PKD2: variants seen among roughly 807,000 people sequenced by gnomAD.
The protein encoded by PKD2 is polycystin 2, transient receptor potential cation channel.
A neutral mutation model predicts 105.9 loss-of-function variants in PKD2; 48 were observed. The observed-to-expected ratio is 0.45, with a 90% CI of 0.36 to 0.58. The LOEUF (loss-of-function observed/expected upper bound fraction) is 0.58, where lower values mean the gene tolerates loss of function less well. Among genes scored for constraint, PKD2 ranks in the 20% least tolerant of loss-of-function variants. PKD2 has a pLI of 0.00. For missense variants in PKD2, 1,078 were observed against 1,255.3 expected (o/e 0.86, Z 2.13); for synonymous variants, 464 against 481.1 (o/e 0.96, Z 0.46).
At chr4:88,046,891 A>G (rs1727795400) in intron 6 of PKD2, 21 bp downstream of exon 6, 1 of 1,336,458 alleles carries the variant, frequency 7.5e-7, no homozygotes, top group East Asian at 2.3e-5. Context: ...GAACAACACC[A>G]AATTTCCTAT....
Position 88,008,277 on chromosome 4 carries a change from G to A in PKD2, c.544G>A (p.Gly182Arg). 1.4e-6 allele frequency: 2 copies of A among 1,477,524 alleles called. No individual in the cohort carries two copies. Among genetic ancestry groups the A allele is most frequent in the East Asian group, 2.9e-5 (1 of 34,768 alleles). 91.5% of individuals were successfully genotyped at this position (1,477,524 alleles called of 1,614,324 possible). The change falls in exon 1 of 15, where the codon GGG becomes AGG. Residue 182 changes from glycine to arginine, a missense_variant. By Grantham distance (125) the Gly-to-Arg change is moderately radical. Transcript: ENST00000237596. Reference protein sequence around the residue: ...DPLHRHLPLEGQPPRVAWAER... With the variant: ...DPLHRHLPLERQPPRVAWAER... ...GCTGCATCGCCACCTCCCCCTGGAA[G>A]GGCAGCCGCCCCGAGTGGCCTGGGC...
intron 10 of PKD2, 52 bp from the exon 11 acceptor site, chr4:88,065,322 G>A: frequency 6.4e-7 from 1 of 1,555,714 alleles, no homozygotes; most frequent in South Asian, 1.1e-5. Context: ...TAAAACAGAT[G>A]CAAAAGGAGA....
At chr4:88,025,056 C>G (rs941366048) in intron 2 of PKD2, among the ~76,000 whole-genome samples, 2 of 152,084 alleles carry the variant, frequency 1.3e-5, no homozygotes, top group African/African-American at 4.8e-5. Flanking sequence ...TGCTTAAACC[C>G]TTAAACCCGG....
chr4:88,056,259 A>C lies in PKD2; in HGVS notation c.1890A>C (p.Gln630His). ...AGGTCGATGACTTCAGTACTTTCCA[A>C]GAGTGTATGTAAGTATATATGAAAT... ...GTQVDDFSTFQECIFTQFRII... is the reference protein window; with the variant it reads ...GTQVDDFSTFHECIFTQFRII... The change falls in exon 8 of 15, where the codon CAA (glutamine) becomes CAC (histidine). Residue 630 changes from glutamine to histidine, a missense_variant. Transcript: ENST00000237596. The C allele has an allele frequency of 6.2e-7, 1 of 1,605,436 alleles. No homozygotes were observed. Among genetic ancestry groups the C allele is most frequent in the Non-Finnish European group, 8.5e-7 (1 of 1,172,520 alleles).
intron 1 of PKD2, among the ~76,000 whole-genome samples, chr4:88,018,510 A>G (rs934666750): frequency 6.6e-6 from 1 of 152,220 alleles, no homozygotes; most frequent in East Asian, 1.9e-4. Context: ...TTTAACAGCC[A>G]ACCTAATCTA....
intron 13 of PKD2, among the ~76,000 whole-genome samples, chr4:88,069,665 CTG>C (rs777879913): frequency 3.3e-5 from 5 of 151,952 alleles, no homozygotes; most frequent in African/African-American, 7.2e-5. Flanking sequence ...TTATAACACA[CTG>C]TGTAATATAT....
chr4:88,019,329 TA>T lies in PKD2; in HGVS notation c.596-116del, dbSNP rs200521275. Reference sequence around the variant, plus strand: ...TTCTCAGTTGCATTCAAAATGTGATTAAAAAAAAAAAAAGGAGAATCTCCCT... The same window carrying T: ...TTCTCAGTTGCATTCAAAATGTGATTAAAAAAAAAAAAGGAGAATCTCCCT... On this transcript the variant is annotated intron_variant, in intron 1 of 14. Coordinates refer to ENST00000237596, the MANE Select transcript of PKD2 (RefSeq NM_000297.4). The T allele has an allele frequency of 0.25, 128,582 of 506,938 alleles. 1,302 individuals carry two copies. Among genetic ancestry groups the T allele is most frequent in the East Asian group, 0.37 (11,184 of 30,100 alleles). The allele number at this position is 506,938 out of a possible 1,614,324, so 31.4% of individuals were successfully genotyped here.
chr4:88,008,459 C>A (rs527943255), intron 1 of PKD2, 131 bp downstream of exon 1: 1 of 1,177,554 alleles, frequency 8.5e-7, no homozygotes, highest in Middle Eastern at 3.1e-4. Flanking sequence ...CCCTTGGAAG[C>A]GCATTCCCCA....
In PKD2 at chr4:88,039,883, G is replaced by A. The variant is rs141193583; in HGVS notation, c.1094+1382G>A. ...CAGCCTCCCAAGTAGCTGGGACTATGAGAATATGCCACCATGCCCAGCTTT... is the reference window on the plus strand; with the variant it reads ...CAGCCTCCCAAGTAGCTGGGACTATAAGAATATGCCACCATGCCCAGCTTT... On this transcript the variant is annotated intron_variant, in intron 4 of 14. Transcript: ENST00000237596. Among the ~76,000 whole-genome samples the A allele has an allele frequency of 2.8e-3, 428 of 152,204 alleles. 5 individuals carry two copies. The highest frequency in any genetic ancestry group is 9.9e-3 in the African/African-American group (410 of 41,538).
At chr4:88,074,536 T>C (rs968881562) in intron 13 of PKD2, among the ~76,000 whole-genome samples, 6 of 152,162 alleles carry the variant, frequency 3.9e-5, no homozygotes, top group African/African-American at 1.4e-4. Flanking sequence ...AAATTTTCCT[T>C]TAGAAAATGT....
intron 2 of PKD2, 140 bp downstream of exon 2, chr4:88,019,711 T>C (rs1211521035): frequency 1.5e-6 from 1 of 678,228 alleles, no homozygotes; most frequent in Non-Finnish European, 2.7e-6. Context: ...AATTCTAATA[T>C]TTTTATTTGG....
rs1437538673 is a variant in PKD2, at chr4:88,076,355, A to G, written c.*661A>G. 1 of 152,506 alleles carries G rather than the reference A, an allele frequency of 6.6e-6. No individual in the cohort carries two copies. Among genetic ancestry groups the G allele is most frequent in the Non-Finnish European group, 1.5e-5 (1 of 68,296 alleles). 9.4% of individuals were successfully genotyped at this position (152,506 alleles called of 1,614,324 possible). ...TTAATTTTTACCTTATTTTGGCTCTAATTTGAATAAGCTGAGTAAAACCAC... is the reference window on the plus strand; with the variant it reads ...TTAATTTTTACCTTATTTTGGCTCTGATTTGAATAAGCTGAGTAAAACCAC... On this transcript the variant is annotated 3_prime_UTR_variant, in exon 15 of 15. Transcript: ENST00000237596.
At chr4:88,027,301 A>G (rs536440632) in intron 2 of PKD2, among the ~76,000 whole-genome samples, 76 of 152,232 alleles carry the variant, frequency 5.0e-4, no homozygotes, top group Admixed American at 2.6e-4. Context: ...CACCCCTTGC[A>G]TTAGCATGGA....
At chr4:88,071,382 T>C (rs1721027854) in intron 13 of PKD2, among the ~76,000 whole-genome samples, 2 of 152,106 alleles carry the variant, frequency 1.3e-5, no homozygotes, top group South Asian at 4.1e-4. Context: ...TGGGGTTTTT[T>C]ATTATTTGTT....
intron 13 of PKD2, among the ~76,000 whole-genome samples, chr4:88,070,788 T>C (rs573280172): frequency 3.4e-4 from 51 of 150,048 alleles, no homozygotes; most frequent in African/African-American, 1.1e-3. Flanking sequence ...CATGCTGCCA[T>C]GCCTGGCTAA....
At position 88,046,818 on chromosome 4, in the gene PKD2, A is replaced by G. The variant is rs1727791483; in HGVS notation, c.1496A>G (p.Lys499Arg). The change falls in exon 6 of 15, where the codon AAA (lysine) becomes AGA (arginine). Residue 499 changes from lysine (K) to arginine (R), a missense_variant. Around this residue, in one of 2 missense-constraint regions of PKD2, gnomAD observed 868 missense variants for 1,067.3 expected, o/e 0.81. Transcript: ENST00000237596. ...GAGATATTGGAAATTCGCATTCACA[A>G]ACTACACTATTTCAGGAGTTTCTGG... ...VEEILEIRIH[K>R]LHYFRSFWNC... is the part of the protein sequence containing the mutation. The G allele has an allele frequency of 6.2e-7, 1 of 1,612,732 alleles. No individual in the cohort carries two copies.
At chr4:88,018,928 A>G (rs1388620814) in intron 1 of PKD2, among the ~76,000 whole-genome samples, 2 of 152,224 alleles carry the variant, frequency 1.3e-5, no homozygotes, top group African/African-American at 4.8e-5. Context: ...CAGAGTTTTT[A>G]TGCCAGTAGG....
At position 88,052,127 on chromosome 4, in the gene PKD2, C is replaced by G; in HGVS notation, c.1685C>G (p.Ala562Gly). 2.5e-6 allele frequency: 4 copies of G among 1,604,296 alleles called. No individual in the cohort carries two copies. Among genetic ancestry groups the G allele is most frequent in the Non-Finnish European group, 3.4e-6 (4 of 1,171,552 alleles). The change falls in exon 7 of 15, where the codon GCT becomes GGT. Residue 562 changes from alanine to glycine, a missense_variant. Physicochemically the swap from Ala to Gly is moderately conservative, Grantham distance 60. This residue lies in a region of PKD2 where 868 missense variants were observed against 1,067.3 expected (regional missense o/e 0.81). Transcript: ENST00000237596. ...TGGCAGATACAGTTCAACAATATAG[C>G]TGCTGTCACAGTATTTTTTGTCTGG... ...AYWQIQFNNI[A>G]AVTVFFVWIK...
At chr4:88,075,077 G>A in intron 14 of PKD2, 118 bp downstream of exon 14, 2 of 1,073,838 alleles carry the variant, frequency 1.9e-6, no homozygotes, top group Non-Finnish European at 2.8e-6. Context: ...TACGTTTATA[G>A]AAATTCACAA....
Sources: allele counts gnomAD v4.1 joint callset (sites outside exome capture counted in the v4.1 genomes callset), GRCh38; gene constraint gnomAD v4.1.1; regional missense constraint gnomAD v4.1.1; transcripts MANE v1.5; gene names NCBI Gene and HGNC (gene_info 2026-07-23, HGNC 2026-07-21).